EPB41L5: variants seen among roughly 807,000 people sequenced by gnomAD.
EPB41L5 encodes band 4.1-like protein 5.
A neutral mutation model predicts 106.6 loss-of-function variants in EPB41L5; 55 were observed. The observed-to-expected ratio is 0.52, with a 90% CI of 0.42 to 0.65. EPB41L5 has a LOEUF of 0.65. Ranked by LOEUF, EPB41L5 falls within the 30% of genes least tolerant of loss-of-function variation. The probability of loss-of-function intolerance (pLI) is 0.00; values close to 1 mark genes in which losing one functional copy is unlikely to be tolerated. For synonymous variants in EPB41L5, 297 were observed against 306.7 expected (o/e 0.97, Z 0.33); for missense variants, 871 against 882.1 (o/e 0.99, Z 0.16).
rs1489255199 is a variant in EPB41L5, at chr2:120,031,445, G to A, written c.181-10561G>A. On this transcript the variant is annotated intron_variant, in intron 2 of 24. Coordinates refer to ENST00000263713, the MANE Select transcript of EPB41L5 (RefSeq NM_020909.4). ...TGACCTGAAATAAATTTGTTAGGTG[G>A]GGATAAAGAACATGAGTAGCAGGTA... Among the ~76,000 whole-genome samples the A allele has an allele frequency of 2.6e-5, 4 of 152,120 alleles. No homozygotes were observed. In the South Asian group the frequency reaches 8.3e-4, roughly 31 times the overall value.
At chr2:120,138,896 C>T (rs1444864111) in intron 18 of EPB41L5, among the ~76,000 whole-genome samples, 1 of 151,890 alleles carries the variant, frequency 6.6e-6, no homozygotes, top group Non-Finnish European at 1.5e-5. Flanking sequence ...GAAGAAAAAA[C>T]GAAACTTTAG....
Position 120,100,241 on chromosome 2 carries a change from C to T in EPB41L5, c.1179-3C>T, listed in dbSNP as rs1313553051. 6.2e-7 allele frequency: 1 copy of T among 1,611,830 alleles called. No individual in the cohort carries two copies. Among genetic ancestry groups the T allele is most frequent in the East Asian group, 2.2e-5 (1 of 44,760 alleles). On this transcript the variant is annotated splice_polypyrimidine_tract_variant and splice_region_variant and intron_variant, in intron 14 of 24. Transcript: ENST00000263713. ...TTTAATTGATTTTTTTTTCCCATTA[C>T]AGTGTTCACAATAATGTTTCGACCC...
chr2:120,140,221 G>C (rs1221664616), intron 18 of EPB41L5, among the ~76,000 whole-genome samples: 1 of 151,892 alleles, frequency 6.6e-6, no homozygotes, highest in Admixed American at 6.6e-5. Flanking sequence ...GTGATAGAAT[G>C]GGTAAGAGAT....
At chr2:120,099,722 G>C (rs1404659510) in intron 14 of EPB41L5, among the ~76,000 whole-genome samples, 1 of 152,152 alleles carries the variant, frequency 6.6e-6, no homozygotes, top group Non-Finnish European at 1.5e-5. Flanking sequence ...CACCATGCCT[G>C]GCCTAAACTG....
intron 16 of EPB41L5, among the ~76,000 whole-genome samples, chr2:120,124,198 C>T (rs1012838762): frequency 9.9e-5 from 15 of 152,144 alleles, no homozygotes; most frequent in Non-Finnish European, 1.5e-4. Flanking sequence ...TCACCTCTTC[C>T]GAAACCGTTC....
intron 1 of EPB41L5, among the ~76,000 whole-genome samples, chr2:120,018,402 A>G (rs1677690849): frequency 6.6e-6 from 1 of 152,208 alleles, no homozygotes; most frequent in Non-Finnish European, 1.5e-5. Context: ...TTCTCCTGCC[A>G]AATCAGTTCC....
chr2:120,073,404 A>G (rs1280740808), intron 4 of EPB41L5, among the ~76,000 whole-genome samples, 184 bp downstream of exon 4: 1 of 152,230 alleles, frequency 6.6e-6, no homozygotes, highest in African/African-American at 2.4e-5. Context: ...ATACTAATCT[A>G]GATTAAACTG....
At chr2:120,163,609 T>A (rs1476691161) in intron 21 of EPB41L5, among the ~76,000 whole-genome samples, 5 of 132,592 alleles carry the variant, frequency 3.8e-5, no homozygotes, top group African/African-American at 1.1e-4. Context: ...TTTTTTTTTT[T>A]AAGTTCAAAG....
intron 24 of EPB41L5, among the ~76,000 whole-genome samples, chr2:120,170,036 G>T (rs1240079517): frequency 1.3e-5 from 2 of 152,098 alleles, no homozygotes; most frequent in African/African-American, 4.8e-5. Context: ...ATACCCAATG[G>T]AACTGTGAAT....
Position 120,088,685 on chromosome 2 carries a change from T to G in EPB41L5, c.873+1445T>G, listed in dbSNP as rs549302492. 8.5e-5 allele frequency among the ~76,000 whole-genome samples: 13 copies of G among 152,214 alleles called. No homozygotes were observed. The South Asian group carries it at 1.7e-3, about 19-fold the overall frequency. ...ACTGCCAAACCTCTTTCCAAAGTAT[T>G]TAATACGAGTTTATACTCCCACCAG... is the stretch of plus-strand genomic sequence containing the variant. On this transcript the variant is annotated intron_variant, in intron 11 of 24. Transcript: ENST00000263713.
chr2:120,039,615 C>T (rs540281329), intron 2 of EPB41L5, among the ~76,000 whole-genome samples: 217 of 151,958 alleles, frequency 1.4e-3, no homozygotes, highest in African/African-American at 5.1e-3. Context: ...CACCTGAGGT[C>T]GGGAGTTCGA....
At chr2:120,106,092 T>C in intron 16 of EPB41L5, 2 of 985,196 alleles carry the variant, frequency 2.0e-6, no homozygotes, top group Non-Finnish European at 2.4e-6. Flanking sequence ...AAAGTGGCCA[T>C]TTCTGTATTT....
Position 120,070,067 on chromosome 2 carries a change from A to G in EPB41L5, c.286-3111A>G, listed in dbSNP as rs1472318791. The stretch of plus-strand genomic sequence containing the variant: ...CTCCTGAAGGAAGCTCTATTTTAAC[A>G]AAATAGATAGACCACTAGCCAGGCT... On this transcript the variant is annotated intron_variant, in intron 3 of 24. Coordinates refer to ENST00000263713, the MANE Select transcript of EPB41L5 (RefSeq NM_020909.4). Among the ~76,000 whole-genome samples the G allele has an allele frequency of 7.2e-5, 11 of 152,324 alleles. No individual in the cohort carries two copies. The South Asian group carries it at 1.5e-3, about 20-fold the overall frequency.
intron 2 of EPB41L5, among the ~76,000 whole-genome samples, chr2:120,027,377 C>T (rs1360718724): frequency 6.6e-6 from 1 of 152,140 alleles, no homozygotes; most frequent in African/African-American, 2.4e-5. Context: ...ATGAAGCGTA[C>T]TGCTAAAACG....
chr2:120,099,648 C>T (rs1371739408), intron 14 of EPB41L5, among the ~76,000 whole-genome samples: 2 of 152,078 alleles, frequency 1.3e-5, no homozygotes, highest in Non-Finnish European at 2.9e-5. Flanking sequence ...AGGATGGTCT[C>T]GATCTCCTGG....
At chr2:120,041,869 T>A in intron 2 of EPB41L5, 137 bp from the exon 3 acceptor site, 1 of 528,942 alleles carries the variant, frequency 1.9e-6, no homozygotes, top group Non-Finnish European at 3.3e-6. Flanking sequence ...TTATGCATTA[T>A]CTGCCACATG....
At position 120,168,019 on chromosome 2, in the gene EPB41L5, A is replaced by G. The variant is rs761402479; in HGVS notation, c.2135+12A>G. ...GATGCTGTGACCAGGTGAGAAAATT[A>G]TTTCTCATTTGCAGTTCTTAGGCAT... On this transcript the variant is annotated intron_variant, in intron 24 of 24. Coordinates refer to ENST00000263713, the MANE Select transcript of EPB41L5 (RefSeq NM_020909.4). 1 of 1,613,714 alleles carries G rather than the reference A, an allele frequency of 6.2e-7. No individual in the cohort carries two copies. Among genetic ancestry groups the G allele is most frequent in the South Asian group, 1.1e-5 (1 of 91,036 alleles).
chr2:120,108,846 C>T (rs1338058419), intron 16 of EPB41L5, among the ~76,000 whole-genome samples: 2 of 152,132 alleles, frequency 1.3e-5, no homozygotes, highest in Non-Finnish European at 2.9e-5. Context: ...TTAGAAAGAC[C>T]TGGGAAGATT....
At chr2:120,080,833 T>G (rs2105337811) in intron 10 of EPB41L5, among the ~76,000 whole-genome samples, 1 of 152,362 alleles carries the variant, frequency 6.6e-6, no homozygotes, top group Middle Eastern at 3.4e-3. Context: ...ATTGTGGTTT[T>G]GATTTGCATT....
Sources: gnomAD v4.1 joint callset for allele counts (sites outside exome capture counted in the v4.1 genomes callset) on GRCh38, gnomAD v4.1.1 for gene constraint, MANE v1.5 for transcripts, NCBI Gene and HGNC (gene_info 2026-07-23, HGNC 2026-07-21) for gene names.